Variants in LMNTD1 observed in about 807,000 individuals in gnomAD.
LMNTD1 encodes the protein lamin tail domain containing 1, also known as lamin tail domain-containing protein 1.
LMNTD1 carries 35 observed loss-of-function variants against 50.9 expected under a neutral mutation model. The observed-to-expected ratio is 0.69, with a 90% CI of 0.53 to 0.91. The LOEUF (loss-of-function observed/expected upper bound fraction) is 0.91, where lower values mean the gene tolerates loss of function less well. LMNTD1 is among the 40% of genes least tolerant of loss of function. The probability of loss-of-function intolerance (pLI) is 0.00; values close to 1 mark genes in which losing one functional copy is unlikely to be tolerated. For synonymous variants in LMNTD1, 153 were observed against 161.9 expected (o/e 0.94, Z 0.42); for missense variants, 470 against 475.5 (o/e 0.99, Z 0.11).
chr12:25,549,541 T>C lies in LMNTD1; in HGVS notation c.95A>G (p.Glu32Gly), dbSNP rs750278019. The C allele has an allele frequency of 1.3e-6, 2 of 1,587,912 alleles. No homozygotes were observed. The highest frequency in any genetic ancestry group is 1.7e-6 in the Non-Finnish European group (2 of 1,160,486). ...EDKNEKQKQR[E>G]DKLGVYSLVH... ...TAAAGAATATACTCCAAGTTTGTCTTCTCTTCTGTGTACAAAAAATATAAT... is the reference window on the plus strand; with the variant it reads ...TAAAGAATATACTCCAAGTTTGTCTCCTCTTCTGTGTACAAAAAATATAAT... The change falls in exon 3 of 10, where the codon GAA (glutamate) becomes GGA (glycine). Residue 32 changes from glutamate to glycine, a missense_variant. Physicochemically the swap from Glu to Gly is moderately conservative, Grantham distance 98. Coordinates refer to ENST00000458174, the MANE Select transcript of LMNTD1 (RefSeq NM_001145728.2).
At chr12:25,501,012 C>T (rs1444593664) in intron 9 of LMNTD1, among the ~76,000 whole-genome samples, 1 of 152,130 alleles carries the variant, frequency 6.6e-6, no homozygotes, top group Non-Finnish European at 1.5e-5. Flanking sequence ...TGTTTTGAGA[C>T]AGAGGCTCAC....
intron 1 of LMNTD1, among the ~76,000 whole-genome samples, chr12:25,610,948 A>T (rs1180776523): frequency 6.6e-6 from 1 of 152,174 alleles, no homozygotes; most frequent in East Asian, 1.9e-4. Context: ...AACAGTCACA[A>T]CTGTGGGGGT....
In LMNTD1 at chr12:25,561,955, C is replaced by T. The variant is rs111720104; in HGVS notation, c.59-15401G>A. ...TCTGTTTCATCAGAGACTAGGATTG[C>T]AACCCCTGCTGTTTTATGTTTTCCG... On this transcript the variant is annotated intron_variant, in intron 1 of 7. Transcript: ENST00000445693. Among the ~76,000 whole-genome samples, 1,060 of 152,242 alleles carry T rather than the reference C, an allele frequency of 7.0e-3. 11 individuals are homozygous for T. The highest frequency in any genetic ancestry group is 0.025 in the African/African-American group (1,026 of 41,534).
chr12:25,553,744 CCT>C (rs1943909363), upstream of LMNTD1, among the ~76,000 whole-genome samples: 1 of 152,118 alleles, frequency 6.6e-6, no homozygotes, highest in African/African-American at 2.4e-5. Context: ...TTCAGTTTCT[CCT>C]CTGTGTAAAA....
intron 1 of LMNTD1, among the ~76,000 whole-genome samples, chr12:25,633,457 T>C (rs1817430): frequency 0.62 from 93,487 of 151,872 alleles, 29,204 homozygotes; most frequent in Non-Finnish European, 0.68. Flanking sequence ...TTTAAGAAAA[T>C]TGAAATTATA....
intron 4 of LMNTD1, among the ~76,000 whole-genome samples, chr12:25,534,110 A>T (rs1328280271): frequency 2.0e-5 from 3 of 152,134 alleles, no homozygotes; most frequent in Non-Finnish European, 2.9e-5. Flanking sequence ...AATCCTAATA[A>T]TGTCTCTACT....
chr12:25,507,321 A>G (rs1038015626), intron 8 of LMNTD1, among the ~76,000 whole-genome samples: 4 of 152,214 alleles, frequency 2.6e-5, no homozygotes, highest in Admixed American at 1.3e-4. Flanking sequence ...TTCATTCTGT[A>G]TTCAAATTCA....
intron 4 of LMNTD1, among the ~76,000 whole-genome samples, chr12:25,539,519 A>G (rs1156476360): frequency 2.0e-5 from 3 of 151,724 alleles, no homozygotes; most frequent in Non-Finnish European, 4.4e-5. Context: ...GTGTTCTTTG[A>G]AACCAACGAG....
chr12:25,487,518 A>C (rs372742813), intron 9 of LMNTD1, among the ~76,000 whole-genome samples: 6 of 142,898 alleles, frequency 4.2e-5, no homozygotes, highest in South Asian at 4.8e-4. Flanking sequence ...TATTTTGAGC[A>C]TATGTGTGTC....
chr12:25,562,292 T>G (rs1377162176), intron 1 of LMNTD1, among the ~76,000 whole-genome samples: 1 of 152,246 alleles, frequency 6.6e-6, no homozygotes. Flanking sequence ...CCTTTCCATG[T>G]TTAGTGCTTC....
intron 1 of LMNTD1, among the ~76,000 whole-genome samples, chr12:25,562,756 G>A (rs1278315801): frequency 3.9e-5 from 6 of 152,140 alleles, no homozygotes; most frequent in African/African-American, 1.2e-4. Flanking sequence ...CATTCTCCCC[G>A]TCACTTTCAG....
Position 25,489,583 on chromosome 12 carries a change from G to C in LMNTD1, c.*23-13123C>G, listed in dbSNP as rs1938814739. ...TCAGATGGAAATGCAGAAATCACCA[G>C]TCTTCTGCGTCGCTCACGCTGGGAG... On this transcript the variant is annotated intron_variant, in intron 9 of 9. Transcript: ENST00000458174. Among the ~76,000 whole-genome samples, 3 of 150,208 alleles carry C rather than the reference G, an allele frequency of 2.0e-5. No individual in the cohort carries two copies. The South Asian group carries it at 6.4e-4, about 32-fold the overall frequency.
intron 1 of LMNTD1, among the ~76,000 whole-genome samples, chr12:25,600,842 T>C (rs922795477): frequency 6.6e-6 from 1 of 152,038 alleles, no homozygotes; most frequent in African/African-American, 2.4e-5. Context: ...CCTGGTACAC[T>C]TTTGGTGGGA....
chr12:25,500,401 C>T (rs2135935543), intron 9 of LMNTD1, among the ~76,000 whole-genome samples: 1 of 152,230 alleles, frequency 6.6e-6, no homozygotes, highest in Middle Eastern at 3.4e-3. Context: ...AAGAATATCC[C>T]ATGTTTGGAC....
chr12:25,566,537 C>T lies in LMNTD1; in HGVS notation c.59-19983G>A, dbSNP rs534369952. On this transcript the variant is annotated intron_variant, in intron 1 of 7. Transcript: ENST00000445693. The stretch of plus-strand genomic sequence containing the variant: ...TTTAGTTCTTTAAGAAATCTCCACA[C>T]TGTTTTCCATAGTGGTTGTGCTAGT... Among the ~76,000 whole-genome samples the T allele has an allele frequency of 3.3e-5, 5 of 152,330 alleles. No individual in the cohort carries two copies. In the South Asian group the frequency reaches 1.0e-3, roughly 32 times the overall value.
chr12:25,513,648 G>A (rs11837199), intron 8 of LMNTD1, among the ~76,000 whole-genome samples: 29,606 of 151,860 alleles, frequency 0.19, 3,110 homozygotes, highest in African/African-American at 0.26. Flanking sequence ...AAACAAGCAA[G>A]CAAACAAACA....
intron 7 of LMNTD1, 26 bp downstream of exon 7, chr12:25,519,832 A>C: frequency 2.0e-6 from 3 of 1,535,350 alleles, no homozygotes; most frequent in Non-Finnish European, 1.8e-6. Context: ...GGACCCATTA[A>C]AACAAACAAA....
At chr12:25,550,400 G>C (rs866012964) in intron 2 of LMNTD1, among the ~76,000 whole-genome samples, 3 of 152,132 alleles carry the variant, frequency 2.0e-5, no homozygotes, top group African/African-American at 7.2e-5. Context: ...TTTTGTGGGT[G>C]CATGTGTGTA....
At chr12:25,552,155 G>A (rs188887443) in intron 2 of LMNTD1, among the ~76,000 whole-genome samples, 3 of 152,230 alleles carry the variant, frequency 2.0e-5, no homozygotes, top group Admixed American at 6.5e-5. Flanking sequence ...CAATGGTAAT[G>A]CTTTAGTTGA....
Sources: allele counts gnomAD v4.1 joint callset (sites outside exome capture counted in the v4.1 genomes callset), GRCh38; gene constraint gnomAD v4.1.1; transcripts MANE v1.5; gene names NCBI Gene and HGNC (gene_info 2026-07-23, HGNC 2026-07-21).